Variants in CORIN observed in about 807,000 individuals in gnomAD.
The protein encoded by CORIN is atrial natriuretic peptide-converting enzyme.
In CORIN, 117 loss-of-function variants were observed where a neutral mutation model predicts 125.3. The observed-to-expected ratio is 0.93, with a 90% CI of 0.80 to 1.09. The LOEUF (loss-of-function observed/expected upper bound fraction) is 1.09, where lower values mean the gene tolerates loss of function less well. CORIN is among the 50% of genes least tolerant of loss of function. The pLI, the probability that CORIN is intolerant of heterozygous loss-of-function variation, is 0.00. For synonymous variants in CORIN, 450 were observed against 466.4 expected, an observed-to-expected ratio of 0.96 and a Z score of 0.45; for missense variants, 1,253 against 1,306.7, an observed-to-expected ratio of 0.96 and a Z score of 0.63.
At chr4:47,630,007 C>T (rs1722743478) in intron 16 of CORIN, among the ~76,000 whole-genome samples, 1 of 152,066 alleles carries the variant, frequency 6.6e-6, no homozygotes, top group African/African-American at 2.4e-5. Flanking sequence ...ACACAGTTCT[C>T]CCCCATTGAC....
chr4:47,675,947 T>C (rs1011237408), intron 9 of CORIN, among the ~76,000 whole-genome samples: 2 of 152,012 alleles, frequency 1.3e-5, no homozygotes, highest in Non-Finnish European at 2.9e-5. Context: ...TTCCAAGTCA[T>C]GGTAAGAGGA....
intron 4 of CORIN, among the ~76,000 whole-genome samples, chr4:47,754,191 C>T (rs1450347247): frequency 6.6e-6 from 1 of 152,184 alleles, no homozygotes; most frequent in Non-Finnish European, 1.5e-5. Flanking sequence ...CAGTATCTTA[C>T]CTATGCTTTG....
chr4:47,653,701 G>GA (rs1314263775), intron 12 of CORIN, 41 bp from the exon 13 acceptor site: 2 of 1,497,760 alleles, frequency 1.3e-6, no homozygotes, highest in Non-Finnish European at 1.9e-6. Flanking sequence ...TGAAAACCCA[G>GA]AAACATCAGC....
At chr4:47,705,292 A>G (rs1337459267) in intron 5 of CORIN, among the ~76,000 whole-genome samples, 1 of 152,196 alleles carries the variant, frequency 6.6e-6, no homozygotes, top group Non-Finnish European at 1.5e-5. Context: ...GAAGTCTAAC[A>G]TGTCAGTCTT....
intron 17 of CORIN, among the ~76,000 whole-genome samples, chr4:47,625,931 AC>A (rs1456772032): frequency 2.6e-5 from 4 of 151,280 alleles, no homozygotes; most frequent in Non-Finnish European, 5.9e-5. Flanking sequence ...AAGGGAAGCA[AC>A]CCTGTTTAAG....
intron 5 of CORIN, among the ~76,000 whole-genome samples, chr4:47,734,141 A>G (rs958800792): frequency 6.6e-6 from 1 of 152,182 alleles, no homozygotes; most frequent in African/African-American, 2.4e-5. Context: ...CCTGAACCTC[A>G]GTTTCTTAAT....
chr4:47,821,278 T>A (rs932749741), intron 1 of CORIN, among the ~76,000 whole-genome samples: 1 of 151,910 alleles, frequency 6.6e-6, no homozygotes, highest in African/African-American at 2.4e-5. Context: ...TCAACCTTTT[T>A]ATTAAAATAT....
chr4:47,752,880 A>G lies in CORIN; in HGVS notation c.618-8297T>C, dbSNP rs563908607. Among the ~76,000 whole-genome samples, 158 of 152,334 alleles carry G rather than the reference A, an allele frequency of 1.0e-3. 1 individual carries two copies. Among genetic ancestry groups the G allele is most frequent in the African/African-American group, 3.7e-3 (153 of 41,576 alleles). On this transcript the variant is annotated intron_variant, in intron 4 of 21. Coordinates refer to ENST00000273857, the MANE Select transcript of CORIN (RefSeq NM_006587.4). ...TAACAGATCACAAAAGAAATGTGCA[A>G]TTGTTGAATTATTTTGCAGTTGTTT... is the stretch of plus-strand genomic sequence containing the variant.
At position 47,723,975 on chromosome 4, in the gene CORIN, G is replaced by A. The variant is rs374224450; in HGVS notation, c.799+20427C>T. ...CGCGCCACAGCACTCCAGCCTGGACGACAGAGTGAGACTCCATCTCAAAAA... is the reference window on the plus strand; with the variant it reads ...CGCGCCACAGCACTCCAGCCTGGACAACAGAGTGAGACTCCATCTCAAAAA... On this transcript the variant is annotated intron_variant, in intron 5 of 21. Coordinates refer to ENST00000273857, the MANE Select transcript of CORIN (RefSeq NM_006587.4). Among the ~76,000 whole-genome samples, 20 of 125,974 alleles carry A rather than the reference G, an allele frequency of 1.6e-4. No individual in the cohort carries two copies. The East Asian group carries it at 3.2e-3, about 20-fold the overall frequency. The allele number at this position is 125,974 out of a possible 152,430, so 82.6% of individuals were successfully genotyped here. A position where few individuals can be genotyped will look rare whatever the true frequency, so the allele number is the denominator to read the frequency against.
At chr4:47,637,991 GGCAGAGC>G (rs1723092656) in intron 16 of CORIN, among the ~76,000 whole-genome samples, 3 of 152,330 alleles carry the variant, frequency 2.0e-5, no homozygotes, top group East Asian at 3.9e-4. Flanking sequence ...AAGCCACAGG[GGCAGAGC>G]TGCCCAAGAC....
intron 1 of CORIN, among the ~76,000 whole-genome samples, chr4:47,827,462 A>G (rs746454036): frequency 1.3e-5 from 2 of 152,190 alleles, no homozygotes; most frequent in Non-Finnish European, 2.9e-5. Context: ...AGGGAAATTA[A>G]CTTGCTGGAG....
intron 2 of CORIN, among the ~76,000 whole-genome samples, chr4:47,789,864 C>T (rs1355263010): frequency 6.6e-6 from 1 of 151,468 alleles, no homozygotes; most frequent in East Asian, 1.9e-4. Flanking sequence ...ACTAAAAATA[C>T]AAAAAAAATT....
At chr4:47,762,512 T>G (rs1729516128) in intron 4 of CORIN, among the ~76,000 whole-genome samples, 1 of 152,238 alleles carries the variant, frequency 6.6e-6, no homozygotes, top group Non-Finnish European at 1.5e-5. Flanking sequence ...ATTGAAATTA[T>G]CCCTGATCCT....
chr4:47,654,258 G>T (rs751911828), intron 12 of CORIN, among the ~76,000 whole-genome samples: 9 of 152,086 alleles, frequency 5.9e-5, no homozygotes, highest in Admixed American at 1.3e-4. Flanking sequence ...TTTTTGGGGG[G>T]AAGATGGAGC....
intron 5 of CORIN, among the ~76,000 whole-genome samples, chr4:47,720,606 A>G (rs1413783400): frequency 1.3e-5 from 2 of 152,198 alleles, no homozygotes; most frequent in South Asian, 2.1e-4. Context: ...ATACATCTAC[A>G]TAGAGCTATC....
At chr4:47,735,604 G>A (rs535437003) in intron 5 of CORIN, among the ~76,000 whole-genome samples, 1 of 152,120 alleles carries the variant, frequency 6.6e-6, no homozygotes, top group Non-Finnish European at 1.5e-5. Context: ...GTTTTAAGTG[G>A]CATTTTAGTT....
At chr4:47,821,916 C>A (rs563955034) in intron 1 of CORIN, among the ~76,000 whole-genome samples, 1 of 152,170 alleles carries the variant, frequency 6.6e-6, no homozygotes, top group South Asian at 2.1e-4. Flanking sequence ...AACTTTTATC[C>A]TTTTCAAAGG....
intron 6 of CORIN, among the ~76,000 whole-genome samples, chr4:47,691,796 A>C (rs1282489663): frequency 2.0e-5 from 3 of 152,114 alleles, no homozygotes; most frequent in African/African-American, 7.2e-5. Context: ...TTTGGGAAAC[A>C]CTGACCTGAA....
chr4:47,812,831 T>G (rs1236135299), intron 1 of CORIN, among the ~76,000 whole-genome samples: 1 of 152,256 alleles, frequency 6.6e-6, no homozygotes, highest in Admixed American at 6.5e-5. Context: ...ATAAATGAAT[T>G]AATTAAATTT....
Sources: gnomAD v4.1 joint callset for allele counts (sites outside exome capture counted in the v4.1 genomes callset) on GRCh38, gnomAD v4.1.1 for gene constraint, MANE v1.5 for transcripts, NCBI Gene and HGNC (gene_info 2026-07-23, HGNC 2026-07-21) for gene names.